Variants in PIAS1 observed in about 807,000 individuals in gnomAD.
The protein encoded by PIAS1 is E3 SUMO-protein ligase PIAS1.
Under a neutral mutation model 71.3 loss-of-function variants are expected in PIAS1, and 6 were observed. The ratio of observed to expected loss-of-function variants is 0.08; its 90% CI spans 0.05 to 0.17. The LOEUF is 0.17. PIAS1 is among the 10% of genes least tolerant of loss of function. The probability of loss-of-function intolerance (pLI) is 1.00; values close to 1 mark genes in which losing one functional copy is unlikely to be tolerated. For missense variants in PIAS1, 555 were observed against 793.6 expected (o/e 0.70, Z 3.61); for synonymous variants, 303 against 292.9 (o/e 1.03, Z -0.35).
At chr15:68,179,062 G>A (rs1223365108) in intron 11 of PIAS1, among the ~76,000 whole-genome samples, 1 of 152,144 alleles carries the variant, frequency 6.6e-6, no homozygotes, top group Non-Finnish European at 1.5e-5. Context: ...CTTAGAAGGA[G>A]AATAACACAC....
At chr15:68,095,714 A>G (rs1321576233) in intron 2 of PIAS1, among the ~76,000 whole-genome samples, 2 of 151,882 alleles carry the variant, frequency 1.3e-5, no homozygotes, top group Non-Finnish European at 2.9e-5. Flanking sequence ...GTATTTTCGT[A>G]GAGACAGGGT....
intron 1 of PIAS1, among the ~76,000 whole-genome samples, chr15:68,074,903 A>C (rs2092141581): frequency 6.6e-6 from 1 of 151,574 alleles, no homozygotes. Flanking sequence ...GATGCTAAAA[A>C]GTATAGTCTG....
chr15:68,159,342 C>CT (rs768700846), intron 7 of PIAS1, among the ~76,000 whole-genome samples: 8 of 152,068 alleles, frequency 5.3e-5, no homozygotes, highest in African/African-American at 9.7e-5. Context: ...CGTTTTCTCT[C>CT]TTTCTTTTGA....
intron 1 of PIAS1, among the ~76,000 whole-genome samples, chr15:68,056,415 C>T (rs185545356): frequency 6.6e-6 from 1 of 152,144 alleles, no homozygotes; most frequent in African/African-American, 2.4e-5. Flanking sequence ...CGAAAATGAA[C>T]CAGTATCAGA....
At position 68,192,042 on chromosome 15, in the gene PIAS1, A is replaced by G. The variant is rs2093122681; in HGVS notation, c.*4207A>G. 1 of 151,924 alleles carries G rather than the reference A, an allele frequency of 6.6e-6. No homozygotes were observed. 9.4% of individuals were successfully genotyped at this position (151,924 alleles called of 1,614,324 possible). On this transcript the variant is annotated 3_prime_UTR_variant, in exon 14 of 14. Transcript: ENST00000249636. ...TGGGACTATTCAGTGATAAATATAG[A>G]CATAGAAAAGCTTTGACGGAAAGTA...
chr15:68,149,031 C>T lies in PIAS1; in HGVS notation c.828+2331C>T, dbSNP rs144658956. ...GTGGGGGGCTAGGCAAATGATATTG[C>T]TGCTGAGATAGAGGAAACACTGGAA... On this transcript the variant is annotated intron_variant, in intron 6 of 13. Transcript: ENST00000249636. Among the ~76,000 whole-genome samples, 932 of 152,058 alleles carry T rather than the reference C, an allele frequency of 6.1e-3. 4 individuals carry two copies. Among genetic ancestry groups the T allele is most frequent in the East Asian group, 0.032 (168 of 5,184 alleles).
chr15:68,112,723 A>G (rs1236049030), intron 2 of PIAS1, among the ~76,000 whole-genome samples: 1 of 152,220 alleles, frequency 6.6e-6, no homozygotes. Flanking sequence ...AAGGAAATCT[A>G]GAACTCTCAT....
intron 4 of PIAS1, among the ~76,000 whole-genome samples, chr15:68,143,489 A>T (rs1234213618): frequency 6.6e-6 from 1 of 152,134 alleles, no homozygotes; most frequent in Non-Finnish European, 1.5e-5. Context: ...ATAAAACAGT[A>T]TGACAGGACC....
At chr15:68,177,557 T>C (rs1436357811) in intron 11 of PIAS1, among the ~76,000 whole-genome samples, 1 of 152,190 alleles carries the variant, frequency 6.6e-6, no homozygotes, top group Admixed American at 6.5e-5. Flanking sequence ...TAGTCTTATA[T>C]CAATAACAGT....
chr15:68,147,836 T>C (rs768275658), intron 6 of PIAS1, among the ~76,000 whole-genome samples: 4 of 152,348 alleles, frequency 2.6e-5, no homozygotes, highest in East Asian at 1.9e-4. Context: ...ACCATTGTTA[T>C]ATATTTAACT....
chr15:68,165,636 A>G (rs1413045727), intron 8 of PIAS1, among the ~76,000 whole-genome samples: 4 of 152,240 alleles, frequency 2.6e-5, no homozygotes. Flanking sequence ...TTTTCATGAA[A>G]TAAATATATG....
chr15:68,079,114 T>C (rs966023748), intron 1 of PIAS1, among the ~76,000 whole-genome samples: 1 of 151,956 alleles, frequency 6.6e-6, no homozygotes, highest in African/African-American at 2.4e-5. Flanking sequence ...AGTGGCCAAG[T>C]CAGTACCAGA....
intron 2 of PIAS1, among the ~76,000 whole-genome samples, chr15:68,122,479 A>T (rs549865577): frequency 1.3e-5 from 2 of 152,304 alleles, no homozygotes; most frequent in African/African-American, 4.8e-5. Context: ...CTGCCAAGCT[A>T]AAAGGATAAT....
intron 4 of PIAS1, among the ~76,000 whole-genome samples, chr15:68,143,116 C>T (rs1314938726): frequency 6.6e-6 from 1 of 151,796 alleles, no homozygotes; most frequent in Admixed American, 6.6e-5. Context: ...TCATATTATG[C>T]TTTATTATTC....
At chr15:68,146,420 A>G (rs1020261307) in intron 5 of PIAS1, 146 bp from the exon 6 acceptor site, 9 of 634,264 alleles carry the variant, frequency 1.4e-5, no homozygotes, top group Non-Finnish European at 2.5e-5. Flanking sequence ...ATAACACAAG[A>G]AACTTGTAAA....
At chr15:68,146,079 A>G (rs562696263) in intron 5 of PIAS1, among the ~76,000 whole-genome samples, 173 bp downstream of exon 5, 1 of 152,300 alleles carries the variant, frequency 6.6e-6, no homozygotes, top group Non-Finnish European at 1.5e-5. Flanking sequence ...CAGCAGTGAC[A>G]TTAGCTTTGG....
chr15:68,114,062 T>A (rs11071979), intron 2 of PIAS1, among the ~76,000 whole-genome samples: 7,089 of 53,426 alleles, frequency 0.13, 177 homozygotes, highest in Admixed American at 0.16. Flanking sequence ...ACACACACAC[T>A]TATATACATG....
intron 13 of PIAS1, chr15:68,184,174 G>A (rs1378133581): frequency 1.3e-5 from 2 of 152,046 alleles, no homozygotes; most frequent in Non-Finnish European, 2.9e-5. Flanking sequence ...CACAGCTAAT[G>A]TTGCCAGTAA....
chr15:68,082,663 TAGAA>T (rs1322758162), intron 1 of PIAS1, among the ~76,000 whole-genome samples: 4 of 151,888 alleles, frequency 2.6e-5, no homozygotes, highest in Admixed American at 6.6e-5. Flanking sequence ...AAAATTATGA[TAGAA>T]AGATGAGGGA....
Sources: gnomAD v4.1 joint callset for allele counts (sites outside exome capture counted in the v4.1 genomes callset) on GRCh38, gnomAD v4.1.1 for gene constraint, MANE v1.5 for transcripts, NCBI Gene and HGNC (gene_info 2026-07-23, HGNC 2026-07-21) for gene names.